Variants in PADI1 observed in about 807,000 individuals in gnomAD.
PADI1 encodes protein-arginine deiminase type-1.
In PADI1, 65 loss-of-function variants were observed where a neutral mutation model predicts 74.8. That is an observed-to-expected ratio of 0.87 (90% CI 0.71 to 1.07). The LOEUF (loss-of-function observed/expected upper bound fraction) is 1.07, where lower values mean the gene tolerates loss of function less well. Among genes scored for constraint, PADI1 ranks in the 50% least tolerant of loss-of-function variants. The pLI, the probability that PADI1 is intolerant of heterozygous loss-of-function variation, is 0.00. For missense variants in PADI1, 943 were observed against 854.0 expected (o/e 1.10, Z -1.30); for synonymous variants, 371 against 336.2 (o/e 1.10, Z -1.13).
Position 17,238,602 on chromosome 1 carries a change from T to A in PADI1, c.1459-14T>A. ...ACCCTGTCCACTGAGCCATTCTCCC[T>A]CCCTCCGTGCCAGGGCTTCCGGCTG... On this transcript the variant is annotated splice_polypyrimidine_tract_variant and intron_variant, in intron 12 of 15. Transcript: ENST00000375471. 6.9e-7 allele frequency: 1 copy of A among 1,448,148 alleles called. No individual in the cohort carries two copies. Among genetic ancestry groups the A allele is most frequent in the Non-Finnish European group, 9.2e-7 (1 of 1,082,288 alleles). 89.7% of individuals were successfully genotyped at this position (1,448,148 alleles called of 1,614,324 possible).
intron 9 of PADI1, 90 bp from the exon 10 acceptor site, chr1:17,230,477 GCTGCC>G: frequency 5.8e-6 from 5 of 863,132 alleles, no homozygotes; most frequent in Non-Finnish European, 8.9e-6. Context: ...GGGAAGACCC[GCTGCC>G]CTGCCCTGCC....
chr1:17,230,637 CA>C lies in PADI1; in HGVS notation c.1120del (p.Arg374GlyfsTer5). 6.2e-7 allele frequency: 1 copy of C among 1,611,846 alleles called. No individual in the cohort carries two copies. Among genetic ancestry groups the C allele is most frequent in the Non-Finnish European group, 8.5e-7 (1 of 1,178,282 alleles). The part of the protein sequence containing the change: ...KSFPVVFDSP[R>X]NRGLKDFPYK... ...CCTTCCCCGTGGTCTTTGACTCCCC[CA>C]GGAACAGGGGCCTGAAAGATTTCCC... On this transcript the variant is annotated frameshift_variant, in exon 10 of 16. Coordinates refer to ENST00000375471, the MANE Select transcript of PADI1 (RefSeq NM_013358.3). LOFTEE classifies it high-confidence loss of function.
chr1:17,224,302 G>A (rs2072247558), intron 3 of PADI1, 65 bp from the exon 4 acceptor site: 2 of 1,444,938 alleles, frequency 1.4e-6, no homozygotes, highest in African/African-American at 2.8e-5. Context: ...TGCCCAACCT[G>A]GACTTTAGGG....
At chr1:17,238,769 G>T in intron 13 of PADI1, 60 bp downstream of exon 13, 1 of 835,180 alleles carries the variant, frequency 1.2e-6, no homozygotes, top group Non-Finnish European at 1.8e-6. Flanking sequence ...CCATCCTTGG[G>T]TACAGCCCCT....
intron 15 of PADI1, among the ~76,000 whole-genome samples, chr1:17,241,551 G>C (rs998354469): frequency 3.0e-5 from 3 of 101,502 alleles, no homozygotes; most frequent in African/African-American, 4.5e-5. Context: ...TCAGAATCGG[G>C]ATGGAATCAG....
At chr1:17,205,787 A>G (rs1433103240) in intron 1 of PADI1, among the ~76,000 whole-genome samples, 1 of 152,186 alleles carries the variant, frequency 6.6e-6, no homozygotes, top group Non-Finnish European at 1.5e-5. Context: ...TCCAATCAGG[A>G]GGGAGTGGTT....
intron 1 of PADI1, among the ~76,000 whole-genome samples, chr1:17,213,174 G>GGGAC (rs2071877965): frequency 5.2e-5 from 1 of 19,408 alleles, no homozygotes; most frequent in Non-Finnish European, 1.2e-4. Flanking sequence ...CTGTGAAGTG[G>GGGAC]GGACGTAATC....
At chr1:17,219,994 G>T (rs1036958620) in intron 1 of PADI1, among the ~76,000 whole-genome samples, 2 of 152,032 alleles carry the variant, frequency 1.3e-5, no homozygotes, top group African/African-American at 4.8e-5. Flanking sequence ...GAGGAAGGGG[G>T]TCAGATGAGA....
At chr1:17,213,809 G>A (rs1001973981) in intron 1 of PADI1, among the ~76,000 whole-genome samples, 2 of 152,216 alleles carry the variant, frequency 1.3e-5, no homozygotes, top group African/African-American at 4.8e-5. Context: ...AGGCGGGCAG[G>A]GGTGGAGAGT....
chr1:17,225,797 TTATTTTGCCACAGAAAACC>T lies in PADI1; in HGVS notation c.409-12_415del, dbSNP rs756434267. 1 of 1,608,154 alleles carries T rather than the reference TTATTTTGCCACAGAAAACC, an allele frequency of 6.2e-7. No individual in the cohort carries two copies. Among genetic ancestry groups the T allele is most frequent in the Non-Finnish European group, 8.5e-7 (1 of 1,174,700 alleles). Reference sequence around the variant, plus strand: ...TGGGTCCCACTGATCCCAAGGCATCTTATTTTGCCACAGAAAACCTGGCGCTGGGGCCCTGAGGGCTATG... The same window carrying T: ...TGGGTCCCACTGATCCCAAGGCATCTTGGCGCTGGGGCCCTGAGGGCTATG... On this transcript the variant is annotated splice_acceptor_variant and splice_polypyrimidine_tract_variant and coding_sequence_variant and intron_variant, in exon 5 of 16. Transcript: ENST00000375471. LOFTEE classifies it high-confidence loss of function.
intron 1 of PADI1, among the ~76,000 whole-genome samples, chr1:17,220,313 C>T (rs2977288): frequency 1 from 152,038 of 152,218 alleles, 75,929 homozygotes; most frequent in Middle Eastern, 1. Flanking sequence ...TCAATGGAGA[C>T]AGTTTTTTGA....
chr1:17,212,965 C>T (rs1425640113), intron 1 of PADI1, among the ~76,000 whole-genome samples: 2 of 152,250 alleles, frequency 1.3e-5, no homozygotes, highest in East Asian at 3.9e-4. Context: ...AAGAGCCATG[C>T]AGAGGAGCTC....
chr1:17,237,164 T>C, intron 11 of PADI1, 150 bp from the exon 12 acceptor site: 1 of 808,630 alleles, frequency 1.2e-6, no homozygotes, highest in Non-Finnish European at 1.9e-6. Flanking sequence ...GTCCATTCTC[T>C]GCTGTCTTGG....
At chr1:17,239,838 G>A in intron 14 of PADI1, 55 bp downstream of exon 14, 1 of 1,402,994 alleles carries the variant, frequency 7.1e-7, no homozygotes, top group Non-Finnish European at 1.0e-6. Context: ...CCAGGGAGAA[G>A]AAGCCCCAGG....
intron 8 of PADI1, 152 bp from the exon 9 acceptor site, chr1:17,229,933 T>C (rs901210864): frequency 1.5e-6 from 1 of 665,574 alleles, no homozygotes; most frequent in African/African-American, 1.8e-5. Flanking sequence ...ACTTTATCCA[T>C]CTTCCCCATG....
At chr1:17,242,760 G>A (rs552904653) in intron 15 of PADI1, among the ~76,000 whole-genome samples, 24 of 152,352 alleles carry the variant, frequency 1.6e-4, no homozygotes, top group South Asian at 6.2e-4. Flanking sequence ...GAGTGGCGGA[G>A]TTGGGACCAG....
At chr1:17,218,458 C>T (rs1415382303) in intron 1 of PADI1, among the ~76,000 whole-genome samples, 1 of 152,014 alleles carries the variant, frequency 6.6e-6, no homozygotes, top group Non-Finnish European at 1.5e-5. Context: ...GGAAAGGCCA[C>T]GGAGTCAGAG....
intron 1 of PADI1, among the ~76,000 whole-genome samples, chr1:17,221,747 C>T (rs1024034843): frequency 2.0e-5 from 3 of 152,034 alleles, no homozygotes; most frequent in African/African-American, 4.8e-5. Flanking sequence ...GCTAAGTGAG[C>T]GAGGGAAAGC....
intron 1 of PADI1, among the ~76,000 whole-genome samples, chr1:17,218,024 C>T (rs1569772010): frequency 6.6e-6 from 1 of 152,176 alleles, no homozygotes; most frequent in Non-Finnish European, 1.5e-5. Context: ...CATTGTTTCC[C>T]CTTTCATCTT....
Sources: allele counts gnomAD v4.1 joint callset (sites outside exome capture counted in the v4.1 genomes callset), GRCh38; gene constraint gnomAD v4.1.1; transcripts MANE v1.5; gene names NCBI Gene and HGNC (gene_info 2026-07-23, HGNC 2026-07-21).